RASGRP4: variants seen among roughly 807,000 people sequenced by gnomAD.
The protein encoded by RASGRP4 is RAS guanyl-releasing protein 4.
In RASGRP4, 52 loss-of-function variants were observed where a neutral mutation model predicts 84.4. The ratio of observed to expected loss-of-function variants is 0.62; its 90% CI spans 0.49 to 0.78. The LOEUF (loss-of-function observed/expected upper bound fraction) is 0.78, where lower values mean the gene tolerates loss of function less well. Among genes scored for constraint, RASGRP4 ranks in the 30% least tolerant of loss-of-function variants. The pLI is 0.00. For missense variants in RASGRP4, 760 were observed against 886.9 expected (o/e 0.86, Z 1.82); for synonymous variants, 356 against 359.1 (o/e 0.99, Z 0.10).
chr19:38,416,610 C>T (rs185655546), intron 8 of RASGRP4, among the ~76,000 whole-genome samples: 1 of 152,196 alleles, frequency 6.6e-6, no homozygotes, highest in East Asian at 1.9e-4. Flanking sequence ...ACACTGTACC[C>T]AGCCTATAAT....
In RASGRP4 at chr19:38,418,417, G is replaced by A; in HGVS notation, c.811C>T (p.Leu271=). Residue 271 remains leucine (L), a synonymous_variant, in exon 7 of 17, where the codon CTG becomes TTG. Transcript: ENST00000615439. The surrounding 1 kb of genome is among the most constrained non-coding windows in gnomAD (Gnocchi z 4.6). ...RPGPLQRAQV[L]DKFIHVAQRL... The stretch of plus-strand genomic sequence containing the variant: ...TGTGCCACGTGAATGAACTTGTCCA[G>A]CACCTGTGCACGCTGTAGGGGCCCG... 1 of 1,606,950 alleles carries A rather than the reference G, an allele frequency of 6.2e-7. No homozygotes were observed.
rs34026587 is a variant in RASGRP4 at position 38,418,571 on chromosome 19, G to A, written c.664-7C>T. On this transcript the variant is annotated splice_region_variant and splice_polypyrimidine_tract_variant and intron_variant, in intron 6 of 16. Coordinates refer to ENST00000615439, the MANE Select transcript of RASGRP4 (RefSeq NM_170604.3). The surrounding 1 kb of genome is among the most constrained non-coding windows in gnomAD (Gnocchi z 4.6). Reference sequence around the variant, plus strand: ...AGCTCCGCAGGTCCTGGGGCTGGGAGCGAGGTGGGTGTCAAGGTGGGCCGT... The same window carrying A: ...AGCTCCGCAGGTCCTGGGGCTGGGAACGAGGTGGGTGTCAAGGTGGGCCGT... 45,660 of 1,506,566 alleles carry A rather than the reference G, an allele frequency of 0.03. 1,025 individuals are homozygous for A. The highest frequency in any genetic ancestry group is 0.11 in the African/African-American group (7,623 of 71,942). 93.3% of individuals were successfully genotyped at this position (1,506,566 alleles called of 1,614,324 possible).
In RASGRP4 at chr19:38,418,279, G is replaced by A; in HGVS notation, c.837+112C>T. On this transcript the variant is annotated intron_variant, in intron 7 of 16. Coordinates refer to ENST00000615439, the MANE Select transcript of RASGRP4 (RefSeq NM_170604.3). This position sits in a 1 kb window ranked among gnomAD's most constrained non-coding sequence, Gnocchi z 4.6. ...GGCTGTGGCCTCGGGGGCGGGGCCG[G>A]GAGATGCGTGACGTCACCGCCGGGA... is the stretch of plus-strand genomic sequence containing the variant. 1.8e-6 allele frequency: 2 copies of A among 1,121,402 alleles called. No homozygotes were observed. Among genetic ancestry groups the A allele is most frequent in the Non-Finnish European group, 2.6e-6 (2 of 777,428 alleles). 69.5% of individuals were successfully genotyped at this position (1,121,402 alleles called of 1,614,324 possible).
intron 8 of RASGRP4, among the ~76,000 whole-genome samples, chr19:38,416,463 CAAAA>C (rs765219678): frequency 0.048 from 2,824 of 58,552 alleles, 88 homozygotes; most frequent in African/African-American, 0.12. Flanking sequence ...GACTCTGTCT[CAAAA>C]AAAAAAAAAA....
chr19:38,410,145 T>TA, intron 16 of RASGRP4, 49 bp from the exon 17 acceptor site: 1 of 1,492,652 alleles, frequency 6.7e-7, no homozygotes, highest in South Asian at 1.2e-5. Flanking sequence ...GTGGGGAGCA[T>TA]ATGATGTCTA....
intron 1 of RASGRP4, among the ~76,000 whole-genome samples, chr19:38,425,229 G>A (rs1182823819): frequency 6.7e-6 from 1 of 150,342 alleles, no homozygotes; most frequent in Non-Finnish European, 1.5e-5. Flanking sequence ...TTAAAGGTAA[G>A]CCCAGCAACC....
At position 38,410,061 on chromosome 19, in the gene RASGRP4, T is replaced by G; in HGVS notation, c.2001A>C (p.Ala667=). 1 of 1,612,188 alleles carries G rather than the reference T, an allele frequency of 6.2e-7. No homozygotes were observed. Among genetic ancestry groups the G allele is most frequent in the South Asian group, 1.1e-5 (1 of 90,834 alleles). Residue 667 remains alanine (A), a synonymous_variant, in exon 17 of 17, where the codon GCA becomes GCC. Coordinates refer to ENST00000615439, the MANE Select transcript of RASGRP4 (RefSeq NM_170604.3). ...ATGTCTAGGAATCCAGCTTGGAGGATGCAGTTGATGGTGGGTCCATCACCG... is the reference window on the plus strand; with the variant it reads ...ATGTCTAGGAATCCAGCTTGGAGGAGGCAGTTGATGGTGGGTCCATCACCG... ...PCPVMDPPST[A]SSKLDS
rs1375111481 is a variant in RASGRP4 at position 38,409,882 on chromosome 19, TC to T, written c.*157del. The T allele has an allele frequency of 5.3e-6, 3 of 568,270 alleles. No individual in the cohort carries two copies. Among genetic ancestry groups the T allele is most frequent in the Non-Finnish European group, 9.5e-6 (3 of 316,160 alleles). 35.2% of individuals were successfully genotyped at this position (568,270 alleles called of 1,614,324 possible). A position where few individuals can be genotyped will look rare whatever the true frequency, so the allele number is the denominator to read the frequency against. On this transcript the variant is annotated 3_prime_UTR_variant, in exon 17 of 17. Transcript: ENST00000615439. ...CAGGATGCAAAAGAGGAAAGTCACT[TC>T]CAGGGAAAAAGATGACGGACGTACC...
Position 38,413,509 on chromosome 19 carries a change from C to T in RASGRP4, c.1231-35G>A. On this transcript the variant is annotated intron_variant, in intron 9 of 16. Transcript: ENST00000615439. The surrounding 1 kb of genome is among the most constrained non-coding windows in gnomAD (Gnocchi z 4.7). ...ACAGGGGTGTTACGGATCCTCCCAT[C>T]TATAGCCCTGCCCCAGACCCCCACA... The T allele has an allele frequency of 1.3e-6, 2 of 1,540,608 alleles. No homozygotes were observed. Among genetic ancestry groups the T allele is most frequent in the Non-Finnish European group, 1.8e-6 (2 of 1,132,736 alleles).
rs1180178610 is a variant in RASGRP4 at position 38,418,249 on chromosome 19, G to C, written c.837+142C>G. 6 of 839,854 alleles carry C rather than the reference G, an allele frequency of 7.1e-6. No homozygotes were observed. The East Asian group carries it at 1.6e-4, about 22-fold the overall frequency. The allele number at this position is 839,854 out of a possible 1,614,324, so 52.0% of individuals were successfully genotyped here. A position where few individuals can be genotyped will look rare whatever the true frequency, so the allele number is the denominator to read the frequency against. ...AGAAGTTACGGTCCTTGGTTGGAATGCCCAGGCTGTGGCCTCGGGGGCGGG... is the reference window on the plus strand; with the variant it reads ...AGAAGTTACGGTCCTTGGTTGGAATCCCCAGGCTGTGGCCTCGGGGGCGGG... On this transcript the variant is annotated intron_variant, in intron 7 of 16. Coordinates refer to ENST00000615439, the MANE Select transcript of RASGRP4 (RefSeq NM_170604.3). This position sits in a 1 kb window ranked among gnomAD's most constrained non-coding sequence, Gnocchi z 4.6.
At position 38,418,499 on chromosome 19, in the gene RASGRP4, G is replaced by A. The variant is rs1343292489; in HGVS notation, c.729C>T (p.Ser243=). ...GGGACACGCTGTTGCTGAGACCTAC[G>A]GAGCCCTCCAGGGCCGGGCAGCCTC... is the stretch of plus-strand genomic sequence containing the variant. ...SVRGCPALEG[S]VGLSNSVSRW... is the part of the protein sequence containing the mutation. The change falls in exon 7 of 17, where the codon TCC becomes TCT. Residue 243 remains serine (S), a synonymous_variant. Transcript: ENST00000615439. The surrounding 1 kb of genome is among the most constrained non-coding windows in gnomAD (Gnocchi z 4.6). 3 of 1,564,442 alleles carry A rather than the reference G, an allele frequency of 1.9e-6. No individual in the cohort carries two copies. The highest frequency in any genetic ancestry group is 1.2e-5 in the South Asian group (1 of 85,116).
At chr19:38,424,475 A>G (rs1971901034) in intron 1 of RASGRP4, among the ~76,000 whole-genome samples, 1 of 152,008 alleles carries the variant, frequency 6.6e-6, no homozygotes, top group East Asian at 1.9e-4. Flanking sequence ...GCTGGAGCAC[A>G]GTTGTGCAAT....
In RASGRP4 at chr19:38,412,801, G is replaced by A. The variant is rs1335075590; in HGVS notation, c.1551C>T (p.Ser517=). The A allele has an allele frequency of 6.2e-7, 1 of 1,607,432 alleles. No individual in the cohort carries two copies. The highest frequency in any genetic ancestry group is 1.3e-5 in the African/African-American group (1 of 74,806). Residue 517 remains serine, a synonymous_variant, in exon 13 of 17, where the codon AGC becomes AGT. Coordinates refer to ENST00000615439, the MANE Select transcript of RASGRP4 (RefSeq NM_170604.3). The surrounding 1 kb of genome is among the most constrained non-coding windows in gnomAD (Gnocchi z 4.6). ...PPPRQGRGSF[S]REELTGYLLR... ...GCAGGTACCCTGTCAGCTCCTCTCT[G>A]CTGAAGGATCCTCTCCTGGGGGCAG...
At chr19:38,420,785 T>C in intron 4 of RASGRP4, 123 bp downstream of exon 4, 1 of 915,514 alleles carries the variant, frequency 1.1e-6, no homozygotes, top group Admixed American at 2.0e-5. Context: ...AGTGGGATTT[T>C]GGCCTGTGGG....
intron 2 of RASGRP4, 104 bp downstream of exon 2, chr19:38,421,865 C>T: frequency 1.1e-6 from 1 of 872,570 alleles, no homozygotes; most frequent in Non-Finnish European, 1.8e-6. Context: ...AGTTTCATTC[C>T]ACCCAGCCCT....
rs756963580 is a variant in RASGRP4 at position 38,415,069 on chromosome 19, G to A, written c.1009C>T (p.Arg337Cys). The A allele has an allele frequency of 2.6e-5, 42 of 1,602,634 alleles. No homozygotes were observed. Among genetic ancestry groups the A allele is most frequent in the Non-Finnish European group, 3.5e-5 (41 of 1,175,108 alleles). Residue 337 changes from arginine (R) to cysteine (C), a missense_variant, in exon 9 of 17, where the codon CGC (arginine) becomes TGC (cysteine). By Grantham distance (180) the Arg-to-Cys change is radical. Transcript: ENST00000615439. ...CCCGCGCAGCCAGCCCAGGTGCGGC[G>A]GTAGCGGGCGTAGTTGTTGTGGGAG... ...LASHNNYARY[R>C]RTWAGCAGFR...
rs77888589 is a variant in RASGRP4, at chr19:38,417,963, A to C, written c.837+428T>G. Reference sequence around the variant, plus strand: ...AAGGAGGGGGAAGGGAGGGGAAGAGAAGGGCGTAACACAATGGGGCGGGGC... The same window carrying C: ...AAGGAGGGGGAAGGGAGGGGAAGAGCAGGGCGTAACACAATGGGGCGGGGC... On this transcript the variant is annotated intron_variant, in intron 7 of 16. Transcript: ENST00000615439. This position sits in a 1 kb window ranked among gnomAD's most constrained non-coding sequence, Gnocchi z 5.1. 0.026 allele frequency among the ~76,000 whole-genome samples: 3,905 copies of C among 151,776 alleles called. 144 individuals carry two copies. Among genetic ancestry groups the C allele is most frequent in the African/African-American group, 0.084 (3,467 of 41,310 alleles).
rs1237081963 is a variant in RASGRP4 at position 38,419,847 on chromosome 19, AG to A, written c.663+12del. ...CTCCCCTGCTTGGGACGGGGATGGG[AG>A]GGGGTCCTCACCGTGATAGCCTGGA... On this transcript the variant is annotated intron_variant, in intron 6 of 16. Coordinates refer to ENST00000615439, the MANE Select transcript of RASGRP4 (RefSeq NM_170604.3). The A allele has an allele frequency of 6.3e-7, 1 of 1,577,424 alleles. No individual in the cohort carries two copies. Among genetic ancestry groups the A allele is most frequent in the African/African-American group, 1.3e-5 (1 of 74,190 alleles).
At position 38,417,481 on chromosome 19, in the gene RASGRP4, G is replaced by A. The variant is rs1971546927; in HGVS notation, c.838-313C>T. ...GGAATAGACAGGTGTGTGTCAGGTG[G>A]AGGAGGCTTCAGACATGTCAGGGTG... On this transcript the variant is annotated intron_variant, in intron 7 of 16. Coordinates refer to ENST00000615439, the MANE Select transcript of RASGRP4 (RefSeq NM_170604.3). The surrounding 1 kb of genome is among the most constrained non-coding windows in gnomAD (Gnocchi z 5.1). 1.3e-5 allele frequency among the ~76,000 whole-genome samples: 2 copies of A among 152,178 alleles called. No individual in the cohort carries two copies. Among genetic ancestry groups the A allele is most frequent in the African/African-American group, 4.8e-5 (2 of 41,436 alleles).
Sources: allele counts gnomAD v4.1 joint callset (sites outside exome capture counted in the v4.1 genomes callset), GRCh38; gene constraint gnomAD v4.1.1; non-coding constraint Gnocchi (gnomAD v3.1); transcripts MANE v1.5; gene names NCBI Gene and HGNC (gene_info 2026-07-23, HGNC 2026-07-21).